TAFA2: variants seen among roughly 807,000 people sequenced by gnomAD.
The protein encoded by TAFA2 is TAFA chemokine like family member 2, also known as chemokine-like protein TAFA-2.
In TAFA2, 7 loss-of-function variants were observed where a neutral mutation model predicts 18.8. The observed-to-expected ratio is 0.37, with a 90% CI of 0.21 to 0.70. The LOEUF is 0.70. TAFA2 is among the 30% of genes least tolerant of loss of function. TAFA2 has a pLI of 0.53. For missense variants in TAFA2, 122 were observed against 158.1 expected (o/e 0.77, Z 1.23); for synonymous variants, 60 against 54.2 (o/e 1.11, Z -0.47).
intron 2 of TAFA2, among the ~76,000 whole-genome samples, chr12:61,765,851 G>A (rs1440858211): frequency 6.6e-6 from 1 of 152,026 alleles, no homozygotes; most frequent in Non-Finnish European, 1.5e-5. Flanking sequence ...TGTAAAAAGG[G>A]AACTGGTGAT....
At chr12:61,802,141 C>G (rs1871422460) in intron 2 of TAFA2, among the ~76,000 whole-genome samples, 1 of 151,960 alleles carries the variant, frequency 6.6e-6, no homozygotes, top group Non-Finnish European at 1.5e-5. Flanking sequence ...AGAAAGGGAA[C>G]TCTTACACAT....
intron 1 of TAFA2, among the ~76,000 whole-genome samples, chr12:62,149,382 C>G (rs1859338588): frequency 6.6e-6 from 1 of 151,958 alleles, no homozygotes; most frequent in Non-Finnish European, 1.5e-5. Context: ...GGAGCTTTCA[C>G]AGAGGGGGGA....
intron 1 of TAFA2, among the ~76,000 whole-genome samples, chr12:62,029,780 C>T (rs991357645): frequency 3.3e-5 from 5 of 151,622 alleles, no homozygotes; most frequent in African/African-American, 1.2e-4. Flanking sequence ...TGATCATGCC[C>T]ACACGGAAGA....
chr12:62,227,252 T>G (rs1042464111), intron 1 of TAFA2, among the ~76,000 whole-genome samples: 3 of 152,218 alleles, frequency 2.0e-5, no homozygotes, highest in Non-Finnish European at 4.4e-5. Flanking sequence ...CTAAGCCTTA[T>G]TTATCTCTCA....
At chr12:62,127,353 T>G (rs953638282) in intron 1 of TAFA2, among the ~76,000 whole-genome samples, 7 of 152,032 alleles carry the variant, frequency 4.6e-5, no homozygotes, top group Non-Finnish European at 4.4e-5. Flanking sequence ...CTTTCTCCAT[T>G]GGCAGGTATA....
intron 1 of TAFA2, chr12:62,021,474 C>CTTTT: frequency 1.9e-5 from 8 of 418,744 alleles, no homozygotes; most frequent in East Asian, 6.4e-5. Flanking sequence ...CTGCATCATT[C>CTTTT]TTTTTTTTTT....
intron 1 of TAFA2, chr12:62,235,527 G>T: frequency 2.0e-6 from 1 of 496,000 alleles, no homozygotes; most frequent in South Asian, 2.6e-5. Context: ...AAGACTAGGT[G>T]GTGTCTAGAC....
intron 1 of TAFA2, among the ~76,000 whole-genome samples, chr12:62,136,927 T>A (rs1474203498): frequency 1.3e-5 from 2 of 152,138 alleles, no homozygotes; most frequent in African/African-American, 4.8e-5. Context: ...GAATTTTTCA[T>A]AAAATTTGAA....
At chr12:61,769,603 G>T (rs562460217) in intron 2 of TAFA2, among the ~76,000 whole-genome samples, 28 of 152,144 alleles carry the variant, frequency 1.8e-4, no homozygotes, top group African/African-American at 6.7e-4. Context: ...CTGGAGCCCA[G>T]TAGCTCCAAT....
intron 1 of TAFA2, among the ~76,000 whole-genome samples, chr12:61,899,881 T>G (rs1245125745): frequency 6.6e-6 from 1 of 152,228 alleles, no homozygotes; most frequent in African/African-American, 2.4e-5. Flanking sequence ...AGATGATTTA[T>G]AGTACACAAG....
intron 1 of TAFA2, among the ~76,000 whole-genome samples, chr12:62,251,296 G>A (rs1399154253): frequency 6.6e-6 from 1 of 152,178 alleles, no homozygotes; most frequent in African/African-American, 2.4e-5. Flanking sequence ...TGATTTCAAA[G>A]AAGAATATTG....
chr12:61,919,897 T>C (rs1215345436), intron 1 of TAFA2, among the ~76,000 whole-genome samples: 3 of 152,162 alleles, frequency 2.0e-5, no homozygotes, highest in African/African-American at 7.2e-5. Context: ...AATTGCCTAA[T>C]TCAGGCAAAT....
rs535169816 is a variant in TAFA2, at chr12:61,955,520, T to C, written c.-1-88094A>G. 2.8e-5 allele frequency among the ~76,000 whole-genome samples: 4 copies of C among 142,378 alleles called. No individual in the cohort carries two copies. In the South Asian group the frequency reaches 9.0e-4, roughly 32 times the overall value. The allele number at this position is 142,378 out of a possible 152,430, so 93.4% of individuals were successfully genotyped here. A position where few individuals can be genotyped will look rare whatever the true frequency, so the allele number is the denominator to read the frequency against. On this transcript the variant is annotated intron_variant, in intron 1 of 4. Coordinates refer to ENST00000416284, the MANE Select transcript of TAFA2 (RefSeq NM_178539.5). ...AGGAGGCTAAGACAGGAAAATCGCT[T>C]GAACCTGGGAGGTGGAGGTTGCAGT...
intron 4 of TAFA2, among the ~76,000 whole-genome samples, chr12:61,743,238 C>G (rs561718033): frequency 9.4e-4 from 143 of 151,996 alleles, no homozygotes; most frequent in Non-Finnish European, 1.0e-3. Flanking sequence ...TTGATGTAGA[C>G]AACTCTGCGA....
chr12:62,255,860 T>A (rs553801560), intron 1 of TAFA2, among the ~76,000 whole-genome samples: 1 of 151,366 alleles, frequency 6.6e-6, no homozygotes, highest in South Asian at 2.1e-4. Context: ...CTGTCTCAAA[T>A]AAATAAAAAC....
intron 2 of TAFA2, among the ~76,000 whole-genome samples, chr12:61,824,105 T>C (rs1267450371): frequency 6.6e-6 from 1 of 152,126 alleles, no homozygotes. Context: ...ACGAAGCAAG[T>C]AGAAATGGAC....
chr12:61,735,729 T>G (rs915041035), intron 4 of TAFA2, among the ~76,000 whole-genome samples: 1 of 151,860 alleles, frequency 6.6e-6, no homozygotes, highest in Non-Finnish European at 1.5e-5. Context: ...AATTTTTTAA[T>G]GTTTGTCTTA....
chr12:62,205,640 G>A lies in TAFA2; in HGVS notation c.-130+53123C>T, dbSNP rs562020361. ...CCACAGCCACTGTGCTGCACTGTGGGGAATTCCTCCTGGGTCCAAACCGCC... is the reference window on the plus strand; with the variant it reads ...CCACAGCCACTGTGCTGCACTGTGGAGAATTCCTCCTGGGTCCAAACCGCC... On this transcript the variant is annotated intron_variant, in intron 1 of 5. Coordinates refer to the TAFA2 transcript ENST00000551619. Among the ~76,000 whole-genome samples the A allele has an allele frequency of 3.9e-5, 6 of 152,176 alleles. No homozygotes were observed. The South Asian group carries it at 6.2e-4, about 16-fold the overall frequency.
At chr12:61,893,839 A>G (rs1004287834) in intron 1 of TAFA2, among the ~76,000 whole-genome samples, 1 of 152,232 alleles carries the variant, frequency 6.6e-6, no homozygotes, top group African/African-American at 2.4e-5. Flanking sequence ...AATGTTAGAT[A>G]ATCACTTAGG....
Sources: allele counts gnomAD v4.1 joint callset (sites outside exome capture counted in the v4.1 genomes callset), GRCh38; gene constraint gnomAD v4.1.1; transcripts MANE v1.5; gene names NCBI Gene and HGNC (gene_info 2026-07-23, HGNC 2026-07-21).